BLM: variants seen among roughly 807,000 people sequenced by gnomAD.
BLM encodes recQ-like DNA helicase BLM.
BLM carries 95 observed loss-of-function variants against 135.3 expected under a neutral mutation model. That is an observed-to-expected ratio of 0.70 (90% CI 0.59 to 0.83). The LOEUF (loss-of-function observed/expected upper bound fraction) is 0.83. Among genes scored for constraint, BLM ranks in the 40% least tolerant of loss-of-function variants. The pLI is 0.00. For missense variants in BLM, 1,518 were observed against 1,663.9 expected (o/e 0.91, Z 1.53); for synonymous variants, 520 against 589.2 (o/e 0.88, Z 1.70).
At chr15:90,742,114 T>C (rs908630928) in intron 1 of BLM, among the ~76,000 whole-genome samples, 1 of 152,232 alleles carries the variant, frequency 6.6e-6, no homozygotes, top group African/African-American at 2.4e-5. Context: ...TTGTGTTTGA[T>C]GTTTAATTTT....
intron 4 of BLM, 139 bp from the exon 5 acceptor site, chr15:90,754,672 G>C: frequency 2.0e-6 from 2 of 990,568 alleles, no homozygotes; most frequent in Non-Finnish European, 2.9e-6. Flanking sequence ...TTTTATAATT[G>C]AGGAAATTTA....
intron 1 of BLM, among the ~76,000 whole-genome samples, chr15:90,739,399 T>C (rs906444618): frequency 9.9e-5 from 15 of 151,958 alleles, no homozygotes; most frequent in Non-Finnish European, 2.2e-4. Context: ...AGACTCCATC[T>C]CAAAAAATAT....
Position 90,804,098 on chromosome 15 carries a change from A to C in BLM, c.3559-69A>C, listed in dbSNP as rs898684633. The C allele has an allele frequency of 2.1e-5, 30 of 1,439,982 alleles. No individual in the cohort carries two copies. In the Middle Eastern group the frequency reaches 7.1e-4, roughly 34 times the overall value. 89.2% of individuals were successfully genotyped at this position (1,439,982 alleles called of 1,614,324 possible). On this transcript the variant is annotated intron_variant, in intron 18 of 21. Coordinates refer to ENST00000355112, the MANE Select transcript of BLM (RefSeq NM_000057.4). ...CCCCCCAAAAATGCAATTAAGCATT[A>C]AATAAAGCCCCTGTATGGGTACAAG... is the stretch of plus-strand genomic sequence containing the variant.
intron 5 of BLM, among the ~76,000 whole-genome samples, chr15:90,758,630 C>G (rs1489951331): frequency 6.6e-6 from 1 of 152,188 alleles, no homozygotes; most frequent in Non-Finnish European, 1.5e-5. Flanking sequence ...CTTCCCTTCT[C>G]TCTCCTCTCT....
chr15:90,815,086 C>CT lies in BLM; in HGVS notation c.4077-13dup. 6.2e-7 allele frequency: 1 copy of CT among 1,613,212 alleles called. No homozygotes were observed. Reference sequence around the variant, plus strand: ...TTTCATTTAACATTTTGATTTTTTTCTTTGTCACATTTCAGGGGGTCTGCC... The same window carrying CT: ...TTTCATTTAACATTTTGATTTTTTTCTTTTGTCACATTTCAGGGGGTCTGCC... On this transcript the variant is annotated splice_polypyrimidine_tract_variant and intron_variant, in intron 21 of 21. Coordinates refer to ENST00000355112, the MANE Select transcript of BLM (RefSeq NM_000057.4). This position sits in a 1 kb window ranked among gnomAD's most constrained non-coding sequence, Gnocchi z 4.6.
intron 1 of BLM, among the ~76,000 whole-genome samples, chr15:90,746,010 C>T (rs1018864253): frequency 6.6e-6 from 1 of 152,030 alleles, no homozygotes; most frequent in Non-Finnish European, 1.5e-5. Context: ...CCCAAGAGGT[C>T]GAGGCTGCAG....
intron 17 of BLM, among the ~76,000 whole-genome samples, chr15:90,802,056 CA>C (rs978943593): frequency 4.0e-4 from 58 of 145,108 alleles, no homozygotes; most frequent in East Asian, 7.9e-4. Flanking sequence ...GACCCTGACT[CA>C]AAAAAAAAAA....
intron 15 of BLM, among the ~76,000 whole-genome samples, chr15:90,793,382 A>G (rs541965387): frequency 2.0e-5 from 3 of 151,534 alleles, no homozygotes; most frequent in Admixed American, 1.3e-4. Context: ...TGATCCGCCC[A>G]CCTTGGCCTC....
intron 1 of BLM, among the ~76,000 whole-genome samples, chr15:90,728,316 A>C (rs1276483335): frequency 6.6e-6 from 1 of 152,192 alleles, no homozygotes; most frequent in Non-Finnish European, 1.5e-5. Flanking sequence ...GATTATAGGC[A>C]TGAGCCACTG....
At chr15:90,793,174 C>T (rs1896948217) in intron 15 of BLM, among the ~76,000 whole-genome samples, 1 of 144,870 alleles carries the variant, frequency 6.9e-6, no homozygotes, top group African/African-American at 2.6e-5. Flanking sequence ...GCGCTTTTGT[C>T]ACCCAGGCTG....
chr15:90,750,123 C>T (rs1344113414), intron 3 of BLM, 56 bp downstream of exon 3: 2 of 1,559,874 alleles, frequency 1.3e-6, no homozygotes, highest in African/African-American at 2.7e-5. Flanking sequence ...TTATTCAAAG[C>T]TAGCCATTGG....
At chr15:90,765,221 G>T in intron 8 of BLM, 75 bp from the exon 9 acceptor site, 1 of 1,210,518 alleles carries the variant, frequency 8.3e-7, no homozygotes, top group Middle Eastern at 1.9e-4. Flanking sequence ...TTAATGATAT[G>T]ATTTCTTTTG....
intron 1 of BLM, among the ~76,000 whole-genome samples, chr15:90,741,443 G>C (rs2151140679): frequency 6.6e-6 from 1 of 152,194 alleles, no homozygotes; most frequent in South Asian, 2.1e-4. Context: ...TCCTGGAAAA[G>C]TCCCAGCTGT....
At chr15:90,758,586 TC>T (rs1488492821) in intron 5 of BLM, among the ~76,000 whole-genome samples, 8 of 152,216 alleles carry the variant, frequency 5.3e-5, no homozygotes, top group Admixed American at 2.0e-4. Context: ...ATTCAGTTGT[TC>T]AAACATCATA....
Position 90,759,019 on chromosome 15 carries a change from A to G in BLM, c.1088-1128A>G, listed in dbSNP as rs560446832. On this transcript the variant is annotated intron_variant, in intron 5 of 21. Coordinates refer to ENST00000355112, the MANE Select transcript of BLM (RefSeq NM_000057.4). ...TGTGTTGGCACAGTGAGCTTTGCAC[A>G]TGAAGTTAGTTAAAAATAAAATCAT... 3.3e-5 allele frequency among the ~76,000 whole-genome samples: 5 copies of G among 152,374 alleles called. No individual in the cohort carries two copies. The South Asian group carries it at 1.0e-3, about 32-fold the overall frequency.
rs138522904 is a variant in BLM at position 90,785,345 on chromosome 15, T to G, written c.2823+264T>G. Among the ~76,000 whole-genome samples, 1,098 of 152,226 alleles carry G rather than the reference T, an allele frequency of 7.2e-3. 15 individuals are homozygous for G. The highest frequency in any genetic ancestry group is 0.024 in the African/African-American group (990 of 41,536). ...AGTACTTTTTAGTTTATTTGCAAAG[T>G]TGTACAATAATCATCTCTATCTAAT... On this transcript the variant is annotated intron_variant, in intron 14 of 21. Coordinates refer to ENST00000355112, the MANE Select transcript of BLM (RefSeq NM_000057.4).
chr15:90,723,350 T>C (rs1894820239), intron 1 of BLM, among the ~76,000 whole-genome samples: 1 of 151,656 alleles, frequency 6.6e-6, no homozygotes, highest in South Asian at 2.1e-4. Context: ...TTTTCTTTTT[T>C]TTTTTTTTTA....
In BLM at chr15:90,814,833, G is replaced by A. The variant is rs143101118; in HGVS notation, c.4077-269G>A. ...CGAAGGTGTGGGTGGAGAGAGGGGCGGTGGGTTGGTCACAAGTCAGAAAAT... is the reference window on the plus strand; with the variant it reads ...CGAAGGTGTGGGTGGAGAGAGGGGCAGTGGGTTGGTCACAAGTCAGAAAAT... On this transcript the variant is annotated intron_variant, in intron 21 of 21. Transcript: ENST00000355112. 1.1e-4 allele frequency among the ~76,000 whole-genome samples: 17 copies of A among 152,312 alleles called. 1 individual carries two copies. The South Asian group carries it at 3.3e-3, about 30-fold the overall frequency.
chr15:90,721,111 C>T (rs1441555162), intron 1 of BLM, among the ~76,000 whole-genome samples: 2 of 152,060 alleles, frequency 1.3e-5, no homozygotes, highest in Non-Finnish European at 2.9e-5. Context: ...TATAAATTTT[C>T]GCAATATTCC....
Sources: gnomAD v4.1 joint callset for allele counts (sites outside exome capture counted in the v4.1 genomes callset) on GRCh38, gnomAD v4.1.1 for gene constraint, Gnocchi (gnomAD v3.1) non-coding constraint, MANE v1.5 for transcripts, NCBI Gene and HGNC (gene_info 2026-07-23, HGNC 2026-07-21) for gene names.